Variants in IPPK observed in about 807,000 individuals in gnomAD.
IPPK encodes inositol-pentakisphosphate 2-kinase.
Under a neutral mutation model 64.6 loss-of-function variants are expected in IPPK, and 22 were observed. The observed-to-expected ratio is 0.34, with a 90% CI of 0.24 to 0.49. The LOEUF is 0.49. Ranked by LOEUF, IPPK falls within the 20% of genes least tolerant of loss-of-function variation. IPPK has a pLI of 0.99. For missense variants in IPPK, 532 were observed against 630.7 expected (o/e 0.84, Z 1.68); for synonymous variants, 262 against 247.2 (o/e 1.06, Z -0.56).
chr9:92,660,025 G>A (rs376828439), intron 1 of IPPK, among the ~76,000 whole-genome samples: 25 of 152,134 alleles, frequency 1.6e-4, no homozygotes, highest in South Asian at 8.3e-4. Flanking sequence ...CATGGGAATC[G>A]ACTGGCTAAG....
At chr9:92,645,217 C>A (rs1411651233) in intron 6 of IPPK, among the ~76,000 whole-genome samples, 1 of 151,726 alleles carries the variant, frequency 6.6e-6, no homozygotes, top group Non-Finnish European at 1.5e-5. Flanking sequence ...ATGGTAAAAC[C>A]CTGTCCTACA....
intron 11 of IPPK, among the ~76,000 whole-genome samples, chr9:92,624,952 C>CG (rs1851708648): frequency 1.3e-5 from 2 of 151,156 alleles, no homozygotes; most frequent in Admixed American, 6.6e-5. Context: ...AGCATGATCT[C>CG]GTAAGTCAAG....
chr9:92,646,775 G>A (rs1852158107), intron 6 of IPPK, among the ~76,000 whole-genome samples: 1 of 152,114 alleles, frequency 6.6e-6, no homozygotes. Flanking sequence ...GACTAACATG[G>A]TGAAACCCCG....
In IPPK at chr9:92,652,187, C is replaced by T. The variant is rs368757451; in HGVS notation, c.292+386G>A. Among the ~76,000 whole-genome samples, 18 of 151,984 alleles carry T rather than the reference C, an allele frequency of 1.2e-4. No homozygotes were observed. In the East Asian group the frequency reaches 2.3e-3, roughly 20 times the overall value. On this transcript the variant is annotated intron_variant, in intron 4 of 12. Coordinates refer to ENST00000287996, the MANE Select transcript of IPPK (RefSeq NM_022755.6). ...AAAACTGGCTGGGCACGGTGGCTCACGCCTATAATCCCAGCACTTTGGGAG... is the reference window on the plus strand; with the variant it reads ...AAAACTGGCTGGGCACGGTGGCTCATGCCTATAATCCCAGCACTTTGGGAG...
chr9:92,632,144 T>C (rs1312632747), intron 11 of IPPK, among the ~76,000 whole-genome samples: 1 of 152,250 alleles, frequency 6.6e-6, no homozygotes, highest in East Asian at 1.9e-4. Context: ...GTGGGTGGTT[T>C]CCAGTTTTTA....
At chr9:92,626,268 G>T (rs958736189) in intron 11 of IPPK, among the ~76,000 whole-genome samples, 1 of 152,132 alleles carries the variant, frequency 6.6e-6, no homozygotes, top group African/African-American at 2.4e-5. Flanking sequence ...GTGGTGGCAG[G>T]CGCCTGTAGT....
chr9:92,669,976 T>G lies in IPPK; in HGVS notation c.13A>C (p.Lys5Gln). The change falls in exon 1 of 13, where the codon AAG (lysine) becomes CAG (glutamine). Residue 5 changes from lysine (K) to glutamine (Q), a missense_variant. Transcript: ENST00000287996. MEEG[K>Q]MDENEWGYHG... ...TACCCCCATTCATTCTCGTCCATCT[T>G]CCCCTCTTCCATGCCCAGGCGCAGC... 1 of 1,612,280 alleles carries G rather than the reference T, an allele frequency of 6.2e-7. No individual in the cohort carries two copies. The highest frequency in any genetic ancestry group is 8.5e-7 in the Non-Finnish European group (1 of 1,179,182).
chr9:92,640,636 C>A (rs1411059273), intron 8 of IPPK, 74 bp downstream of exon 8: 5 of 981,772 alleles, frequency 5.1e-6, no homozygotes, highest in East Asian at 4.8e-5. Flanking sequence ...CAGCCCAACA[C>A]CCTCATCTGT....
chr9:92,649,455 T>TA lies in IPPK; in HGVS notation c.411dup (p.Lys138Ter), dbSNP rs1257337145. The TA allele has an allele frequency of 6.2e-7, 1 of 1,614,018 alleles. No individual in the cohort carries two copies. Among genetic ancestry groups the TA allele is most frequent in the East Asian group, 2.2e-5 (1 of 44,878 alleles). On this transcript the variant is annotated frameshift_variant, in exon 5 of 13. Coordinates refer to ENST00000287996, the MANE Select transcript of IPPK (RefSeq NM_022755.6). LOFTEE classifies it high-confidence loss of function. ...CCATCTGCCCCTCGACAGGTCACCT[T>TA]AATCTCTACACACAGAATCGGCCGG... is the stretch of plus-strand genomic sequence containing the variant.
chr9:92,648,108 T>C lies in IPPK; in HGVS notation c.455A>G (p.His152Arg). 1.9e-6 allele frequency: 3 copies of C among 1,613,778 alleles called. No homozygotes were observed. Among genetic ancestry groups the C allele is most frequent in the Non-Finnish European group, 2.5e-6 (3 of 1,179,832 alleles). Residue 152 changes from histidine to arginine, a missense_variant, in exon 6 of 13, where the codon CAT becomes CGT. Transcript: ENST00000287996. The part of the protein sequence containing the change: ...GFIPFSSDVT[H>R]EMKHKVCRYC... ...TCGACAGACCTTATGCTTCATCTCATGCGTGACATCACTCGAGAAAGGAAT... is the reference window on the plus strand; with the variant it reads ...TCGACAGACCTTATGCTTCATCTCACGCGTGACATCACTCGAGAAAGGAAT...
chr9:92,651,653 T>C (rs1464646141), intron 4 of IPPK, among the ~76,000 whole-genome samples: 1 of 152,240 alleles, frequency 6.6e-6, no homozygotes, highest in African/African-American at 2.4e-5. Context: ...TTCCTAAGTC[T>C]GCCCCAGACC....
At chr9:92,642,132 G>A (rs1456203774) in intron 7 of IPPK, among the ~76,000 whole-genome samples, 1 of 152,222 alleles carries the variant, frequency 6.6e-6, no homozygotes, top group Non-Finnish European at 1.5e-5. Flanking sequence ...GGGCCTGCTC[G>A]CTGGGCCCCC....
chr9:92,636,073 G>GGGTGCCAAGTGAGCTTGGGA (rs1851937679), intron 9 of IPPK, among the ~76,000 whole-genome samples: 1 of 152,176 alleles, frequency 6.6e-6, no homozygotes, highest in South Asian at 2.1e-4. Flanking sequence ...GTGCTGTACA[G>GGGTGCCAAGTGAGCTTGGGA]GGTGCCAAGT....
In IPPK at chr9:92,641,340, C is replaced by T. The variant is rs548420150; in HGVS notation, c.564-558G>A. On this transcript the variant is annotated intron_variant, in intron 7 of 12. Transcript: ENST00000287996. ...GGAGGCCAAGCTGCCCATGCAAGCA[C>T]ACGAGCCTGACCCTGCCAGTAGGGA... is the stretch of plus-strand genomic sequence containing the variant. 5.9e-5 allele frequency among the ~76,000 whole-genome samples: 9 copies of T among 152,336 alleles called. No individual in the cohort carries two copies. In the East Asian group the frequency reaches 7.7e-4, roughly 13 times the overall value.
Position 92,615,914 on chromosome 9 carries a change from G to GTCTT in IPPK, c.1390_1393dup (p.Thr465LysfsTer37). 1 of 1,614,218 alleles carries GTCTT rather than the reference G, an allele frequency of 6.2e-7. No homozygotes were observed. The highest frequency in any genetic ancestry group is 8.5e-7 in the Non-Finnish European group (1 of 1,180,032). On this transcript the variant is annotated frameshift_variant, in exon 13 of 13. Coordinates refer to ENST00000287996, the MANE Select transcript of IPPK (RefSeq NM_022755.6). LOFTEE classifies it high-confidence loss of function. Reference sequence around the variant, plus strand: ...CACGGCGTTGTCTTTGGCACGTACAGTCTTTGAATAATAGTTGACGATCTT... The same window carrying GTCTT: ...CACGGCGTTGTCTTTGGCACGTACAGTCTTTCTTTGAATAATAGTTGACGATCTT...
At chr9:92,640,928 C>CAAA in intron 7 of IPPK, 146 bp from the exon 8 acceptor site, 1 of 672,830 alleles carries the variant, frequency 1.5e-6, no homozygotes, top group Non-Finnish European at 2.7e-6. Context: ...CAAACAGTGA[C>CAAA]ATTCTCCCCT....
At chr9:92,645,069 GA>G (rs1433249975) in intron 6 of IPPK, among the ~76,000 whole-genome samples, 7 of 152,176 alleles carry the variant, frequency 4.6e-5, no homozygotes, top group Non-Finnish European at 8.8e-5. Flanking sequence ...AATATCAATA[GA>G]GAGGTAGAAA....
intron 9 of IPPK, among the ~76,000 whole-genome samples, chr9:92,636,778 CCA>C (rs1238623983): frequency 2.0e-5 from 3 of 152,106 alleles, no homozygotes; most frequent in Admixed American, 2.0e-4. Flanking sequence ...ATCCCAGCAG[CCA>C]GGGCCCAGCT....
intron 11 of IPPK, among the ~76,000 whole-genome samples, chr9:92,627,592 G>C (rs1484623589): frequency 6.6e-6 from 1 of 151,952 alleles, no homozygotes; most frequent in Non-Finnish European, 1.5e-5. Context: ...ACAGAATAAA[G>C]GACAAAAACC....
Sources: gnomAD v4.1 joint callset for allele counts (sites outside exome capture counted in the v4.1 genomes callset) on GRCh38, gnomAD v4.1.1 for gene constraint, MANE v1.5 for transcripts, NCBI Gene and HGNC (gene_info 2026-07-23, HGNC 2026-07-21) for gene names.